The following NRG1 variants were observed in gnomAD, a reference collection of about 807,000 sequenced individuals.
NRG1 encodes the protein pro-neuregulin-1, membrane-bound isoform.
NRG1 carries 18 observed loss-of-function variants against 63.8 expected under a neutral mutation model. The observed-to-expected ratio is 0.28, with a 90% CI of 0.19 to 0.42. The LOEUF (loss-of-function observed/expected upper bound fraction) is 0.42. NRG1 is among the 10% of genes least tolerant of loss of function. NRG1 has a pLI of 1.00. For missense variants in NRG1, 762 were observed against 814.7 expected, an observed-to-expected ratio of 0.94 and a Z score of 0.79; for synonymous variants, 302 against 301.3, an observed-to-expected ratio of 1.00 and a Z score of -0.02.
intron 1 of NRG1, among the ~76,000 whole-genome samples, chr8:31,746,717 T>G (rs1386461790): frequency 6.6e-6 from 1 of 151,970 alleles, no homozygotes. Context: ...TCATGCGTGT[T>G]GCAGCACTGT....
chr8:31,843,095 A>C (rs1826345869), intron 1 of NRG1, among the ~76,000 whole-genome samples: 1 of 151,888 alleles, frequency 6.6e-6, no homozygotes. Flanking sequence ...GTAGCAGGAC[A>C]CCTCTGTTCT....
chr8:32,194,406 T>A (rs559597930), intron 1 of NRG1, among the ~76,000 whole-genome samples: 8 of 152,296 alleles, frequency 5.3e-5, no homozygotes, highest in South Asian at 4.1e-4. Context: ...CATTTTTTTT[T>A]AAATAGCAAG....
At chr8:32,238,052 T>C (rs1847742081) in intron 1 of NRG1, among the ~76,000 whole-genome samples, 1 of 152,268 alleles carries the variant, frequency 6.6e-6, no homozygotes, top group African/African-American at 2.4e-5. Flanking sequence ...TGGTTTCAGT[T>C]TGAAAAAATA....
chr8:31,857,268 C>T (rs1041596217), intron 1 of NRG1, among the ~76,000 whole-genome samples: 32 of 152,044 alleles, frequency 2.1e-4, no homozygotes, highest in East Asian at 1.9e-4. Context: ...AGCAAGACTC[C>T]GTGGGTGTAG....
rs1244697264 is a variant in NRG1 at position 32,344,418 on chromosome 8, CATGTGTGTGTGTGTGT to C, written c.38-251409_38-251394del. Reference sequence around the variant, plus strand: ...TTTTTTGTGCATGCATGCGTGCATGCATGTGTGTGTGTGTGTGTGTGTGTGTGTGTGTGTGTGTGTC... The same window carrying C: ...TTTTTTGTGCATGCATGCGTGCATGCGTGTGTGTGTGTGTGTGTGTGTGTC... On this transcript the variant is annotated intron_variant, in intron 1 of 10. Coordinates refer to the NRG1 transcript ENST00000519301. 1.9e-3 allele frequency among the ~76,000 whole-genome samples: 179 copies of C among 92,460 alleles called. 5 individuals are homozygous for C. Among genetic ancestry groups the C allele is most frequent in the Middle Eastern group, 5.6e-3 (1 of 178 alleles). 60.7% of individuals were successfully genotyped at this position (92,460 alleles called of 152,430 possible).
At chr8:32,129,085 A>G (rs1182204543) in intron 1 of NRG1, among the ~76,000 whole-genome samples, 1 of 151,808 alleles carries the variant, frequency 6.6e-6, no homozygotes, top group Non-Finnish European at 1.5e-5. Context: ...GTTTTATCCT[A>G]TTGTTTTTCC....
intron 1 of NRG1, among the ~76,000 whole-genome samples, chr8:32,137,952 C>T (rs1409613989): frequency 1.3e-5 from 2 of 152,126 alleles, no homozygotes; most frequent in Admixed American, 1.3e-4. Context: ...CTTAAATTTG[C>T]AAGTCACCTA....
At chr8:32,390,095 C>T (rs1811536111) in intron 1 of NRG1, among the ~76,000 whole-genome samples, 1 of 152,030 alleles carries the variant, frequency 6.6e-6, no homozygotes, top group Non-Finnish European at 1.5e-5. Context: ...TTTTCCCTCC[C>T]CTTTCTGCAC....
intron 1 of NRG1, among the ~76,000 whole-genome samples, chr8:32,517,110 A>G (rs1437601571): frequency 2.0e-5 from 3 of 152,228 alleles, no homozygotes; most frequent in East Asian, 3.9e-4. Flanking sequence ...GCTTGCACCT[A>G]TTTGGGGCTT....
At chr8:32,307,586 G>T (rs969565497) in intron 1 of NRG1, among the ~76,000 whole-genome samples, 1 of 108,898 alleles carries the variant, frequency 9.2e-6, no homozygotes, top group African/African-American at 3.1e-5. Context: ...GTCACCCAGG[G>T]GTTTGTGTGT....
intron 1 of NRG1, among the ~76,000 whole-genome samples, chr8:32,525,168 G>T (rs1830699728): frequency 6.6e-6 from 1 of 152,156 alleles, no homozygotes; most frequent in Non-Finnish European, 1.5e-5. Context: ...CTTGTGAAAG[G>T]TAGGGCTACA....
chr8:32,551,239 T>C (rs947746146), intron 1 of NRG1, among the ~76,000 whole-genome samples: 4 of 152,236 alleles, frequency 2.6e-5, no homozygotes, highest in African/African-American at 9.6e-5. Flanking sequence ...ACTCTAGTAT[T>C]CACACTTGCC....
chr8:32,128,806 A>AGAAGGC (rs1834433594), intron 1 of NRG1, among the ~76,000 whole-genome samples: 1 of 151,910 alleles, frequency 6.6e-6, no homozygotes, highest in Non-Finnish European at 1.5e-5. Flanking sequence ...AGCCTTCTCA[A>AGAAGGC]TCTGTGCCTT....
chr8:32,239,674 G>A (rs1049249701), intron 1 of NRG1, among the ~76,000 whole-genome samples: 1 of 152,024 alleles, frequency 6.6e-6, no homozygotes, highest in African/African-American at 2.4e-5. Flanking sequence ...GAAAGATTTT[G>A]TACCTAGAGA....
chr8:32,442,217 G>T (rs1257020691), intron 1 of NRG1, among the ~76,000 whole-genome samples: 1 of 152,164 alleles, frequency 6.6e-6, no homozygotes, highest in East Asian at 1.9e-4. Context: ...AGAGGGAGAA[G>T]AGTGTTTGCT....
chr8:32,149,856 C>T (rs1373941066), intron 1 of NRG1, among the ~76,000 whole-genome samples: 1 of 152,144 alleles, frequency 6.6e-6, no homozygotes, highest in Non-Finnish European at 1.5e-5. Flanking sequence ...TATATTTTGT[C>T]CGCTGTTGTA....
intron 1 of NRG1, among the ~76,000 whole-genome samples, chr8:31,823,563 G>T (rs1189799130): frequency 1.3e-5 from 2 of 152,106 alleles, no homozygotes; most frequent in South Asian, 4.1e-4. Flanking sequence ...TCAATACTTG[G>T]AAATGTTTTG....
chr8:31,811,229 T>TC (rs1822853271), intron 1 of NRG1, among the ~76,000 whole-genome samples: 1 of 152,200 alleles, frequency 6.6e-6, no homozygotes, highest in Admixed American at 6.5e-5. Flanking sequence ...ATTGCTTGAC[T>TC]CCAAGTGTGG....
chr8:31,743,988 G>T (rs879241181), intron 1 of NRG1, among the ~76,000 whole-genome samples: 1 of 151,972 alleles, frequency 6.6e-6, no homozygotes, highest in Admixed American at 6.6e-5. Context: ...ATGTGAACAT[G>T]CAAATTAACT....
Sources: allele counts gnomAD v4.1 joint callset (sites outside exome capture counted in the v4.1 genomes callset), GRCh38; gene constraint gnomAD v4.1.1; transcripts MANE v1.5; gene names NCBI Gene and HGNC (gene_info 2026-07-23, HGNC 2026-07-21).